Variants in CORO7 observed in about 807,000 individuals in gnomAD.
CORO7 encodes coronin-7.
In CORO7, 107 loss-of-function variants were observed where a neutral mutation model predicts 126.6. The observed-to-expected ratio is 0.85, with a 90% confidence interval of 0.72 to 0.99. CORO7 has a LOEUF of 0.99. CORO7 is among the 50% of genes least tolerant of loss of function. CORO7 has a pLI of 0.00. For synonymous variants in CORO7, 603 were observed against 536.8 expected, an observed-to-expected ratio of 1.12 and a Z score of -1.70; for missense variants, 1,314 against 1,255.8, an observed-to-expected ratio of 1.05 and a Z score of -0.70.
At chr16:4,396,274 T>C (rs1437364081) in intron 6 of CORO7, among the ~76,000 whole-genome samples, 1 of 152,120 alleles carries the variant, frequency 6.6e-6, no homozygotes, top group Admixed American at 6.5e-5. Flanking sequence ...GAGACGGGGT[T>C]TCACCATGTT....
At chr16:4,383,199 G>A (rs1395125866) in intron 9 of CORO7, 6 of 366,506 alleles carry the variant, frequency 1.6e-5, no homozygotes, top group Non-Finnish European at 2.5e-5. Flanking sequence ...TGCTGGTAAC[G>A]CATGCCTGGG....
intron 25 of CORO7, 66 bp from the exon 26 acceptor site, chr16:4,357,325 C>T: frequency 6.5e-6 from 8 of 1,230,214 alleles, no homozygotes; most frequent in East Asian, 2.7e-5. Context: ...GCCAAGCCCT[C>T]GGGGATTTCT....
At chr16:4,366,055 C>A (rs578236293) in intron 9 of CORO7, among the ~76,000 whole-genome samples, 1 of 152,212 alleles carries the variant, frequency 6.6e-6, no homozygotes, top group Non-Finnish European at 1.5e-5. Flanking sequence ...TCAGTTACCC[C>A]ACGTTTCCTG....
Position 4,360,271 on chromosome 16 carries a change from T to C in CORO7, c.2108+7A>G. The C allele has an allele frequency of 6.2e-7, 1 of 1,612,944 alleles. No homozygotes were observed. The highest frequency in any genetic ancestry group is 8.5e-7 in the Non-Finnish European group (1 of 1,179,876). On this transcript the variant is annotated splice_region_variant and intron_variant, in intron 21 of 27. Transcript: ENST00000251166. ...AAGCCTGGGGATGGGGATGCCTGAGTCCTCACCTGTCAAAGCCAGACACCA... is the reference window on the plus strand; with the variant it reads ...AAGCCTGGGGATGGGGATGCCTGAGCCCTCACCTGTCAAAGCCAGACACCA...
In CORO7 at chr16:4,413,294, T is replaced by C. The variant is rs371449050; in HGVS notation, c.157+14A>G. 5.8e-5 allele frequency: 91 copies of C among 1,564,886 alleles called. No homozygotes were observed. The highest frequency in any genetic ancestry group is 7.7e-5 in the Non-Finnish European group (89 of 1,153,472). Reference sequence around the variant, plus strand: ...ATATGTGAGCAAATATCCACACTCATGGCCATTCCCTACCAGGACGGTCGG... The same window carrying C: ...ATATGTGAGCAAATATCCACACTCACGGCCATTCCCTACCAGGACGGTCGG... On this transcript the variant is annotated intron_variant, in intron 2 of 27. Transcript: ENST00000251166.
At position 4,405,539 on chromosome 16, in the gene CORO7, CT is replaced by C. The variant is rs1367353341; in HGVS notation, c.515del (p.Gln172ArgfsTer69). ...TELAAHGDLV[Q>X]SAVWSRDGAL... is the part of the protein sequence containing the mutation. ...CTCCATCTCGGCTCCAGACGGCGCT[CT>C]GCACCAGGTCCCCATGGGCTGCCAG... On this transcript the variant is annotated frameshift_variant, in exon 6 of 28. Coordinates refer to ENST00000251166, the MANE Select transcript of CORO7 (RefSeq NM_024535.5). LOFTEE classifies it high-confidence loss of function. 6.2e-7 allele frequency: 1 copy of C among 1,612,918 alleles called. No individual in the cohort carries two copies. The highest frequency in any genetic ancestry group is 1.7e-5 in the Admixed American group (1 of 59,994).
chr16:4,381,759 A>C, intron 9 of CORO7: 1 of 1,602,564 alleles, frequency 6.2e-7, no homozygotes, highest in Non-Finnish European at 8.5e-7. Flanking sequence ...GGCTGCTGGC[A>C]GCTGCCCGCA....
intron 9 of CORO7, among the ~76,000 whole-genome samples, chr16:4,376,101 G>T (rs1017572170): frequency 6.6e-6 from 1 of 152,198 alleles, no homozygotes; most frequent in Non-Finnish European, 1.5e-5. Context: ...CCTATAGGGA[G>T]GGTCTACCTG....
intron 23 of CORO7, chr16:4,358,991 G>A: frequency 2.2e-6 from 1 of 456,954 alleles, no homozygotes; most frequent in East Asian, 4.1e-5. Context: ...TGCCCAGGCT[G>A]GTCTTGAACT....
intron 7 of CORO7, 124 bp downstream of exon 7, chr16:4,395,165 C>A (rs1467811783): frequency 7.1e-7 from 1 of 1,399,892 alleles, no homozygotes; most frequent in Admixed American, 2.1e-5. Flanking sequence ...TCCTGGGGAC[C>A]CCTGGTGCTG....
At chr16:4,373,645 C>A (rs1194333048) in intron 9 of CORO7, among the ~76,000 whole-genome samples, 1 of 152,162 alleles carries the variant, frequency 6.6e-6, no homozygotes. Flanking sequence ...TCCTAGCTCC[C>A]ATTACTGTCA....
rs751237845 is a variant in CORO7, at chr16:4,361,966, G to A, written c.1578+19C>T. On this transcript the variant is annotated intron_variant, in intron 16 of 27. Transcript: ENST00000251166. ...AGGCAGGGAACTGAGGGGCAGCCCT[G>A]GTGGGGTGGGGCCCTCACCTCAAGC... The A allele has an allele frequency of 7.6e-6, 12 of 1,589,340 alleles. No individual in the cohort carries two copies. The highest frequency in any genetic ancestry group is 1.1e-5 in the South Asian group (1 of 88,478).
rs34646368 is a variant in CORO7 at position 4,361,223 on chromosome 16, C to T, written c.1713G>A (p.Leu571=). The change falls in exon 18 of 28, where the codon CTG becomes CTA. Residue 571 remains leucine (L), a synonymous_variant. Transcript: ENST00000251166. ...CCAGGCCCTCTGCGGGTACCCGCCA[C>T]AGTCGGATCCTGGCGTCCTCACCAG... ...AVAGEDARIR[L]WRVPAEGLEE... is the part of the protein sequence containing the mutation. 9,038 of 1,612,716 alleles carry T rather than the reference C, an allele frequency of 5.6e-3. 422 individuals carry two copies. The African/African-American group carries it at 0.098, about 18-fold the overall frequency.
At chr16:4,408,384 G>A in intron 3 of CORO7, 133 bp from the exon 4 acceptor site, 2 of 1,282,838 alleles carry the variant, frequency 1.6e-6, no homozygotes, top group Non-Finnish European at 2.2e-6. Flanking sequence ...GGGCCCTCTG[G>A]ACACCATGGG....
chr16:4,372,404 G>A (rs1482705018), intron 9 of CORO7, among the ~76,000 whole-genome samples: 1 of 152,240 alleles, frequency 6.6e-6, no homozygotes, highest in Non-Finnish European at 1.5e-5. Context: ...GTGCTGCTGT[G>A]CAGAAGGGCT....
At chr16:4,380,736 C>A in intron 9 of CORO7, 1 of 1,046,166 alleles carries the variant, frequency 9.6e-7, no homozygotes, top group Non-Finnish European at 1.3e-6. Flanking sequence ...GCACTGGCGA[C>A]CTGACTCATA....
intron 1 of CORO7, chr16:4,414,314 CAA>C (rs946629554): frequency 2.0e-5 from 3 of 152,102 alleles, no homozygotes; most frequent in Admixed American, 6.6e-5. Context: ...CACCTTTCCA[CAA>C]AGTCTCATAA....
intron 17 of CORO7, 21 bp downstream of exon 17, chr16:4,361,340 C>T (rs766966438): frequency 9.3e-5 from 150 of 1,611,398 alleles, no homozygotes; most frequent in Non-Finnish European, 1.2e-4. Context: ...TCCCTCAAGC[C>T]CAGGCACCCA....
chr16:4,377,106 C>T (rs1246505652), intron 9 of CORO7, among the ~76,000 whole-genome samples: 2 of 152,134 alleles, frequency 1.3e-5, no homozygotes, highest in African/African-American at 4.8e-5. Context: ...ACCCTGTCGC[C>T]CTATGCCAGT....
Sources: gnomAD v4.1 joint callset for allele counts (sites outside exome capture counted in the v4.1 genomes callset) on GRCh38, gnomAD v4.1.1 for gene constraint, MANE v1.5 for transcripts, NCBI Gene and HGNC (gene_info 2026-07-23, HGNC 2026-07-21) for gene names.